The following RPA3 variants were observed in gnomAD, a reference collection of about 807,000 sequenced individuals.
RPA3 encodes replication protein A 14 kDa subunit.
Under a neutral mutation model 13.7 loss-of-function variants are expected in RPA3, and 24 were observed. The ratio of observed to expected loss-of-function variants is 1.75; its 90% CI spans 1.27 to 2.46. RPA3 has a LOEUF of 2.46. Among genes scored for constraint, RPA3 ranks in the 30% most tolerant of loss-of-function variants. The pLI, the probability that RPA3 is intolerant of heterozygous loss-of-function variation, is 0.00. For synonymous variants in RPA3, 59 were observed against 51.2 expected (o/e 1.15, Z -0.65); for missense variants, 183 against 151.0 (o/e 1.21, Z -1.11).
intron 2 of RPA3, among the ~76,000 whole-genome samples, chr7:7,708,976 AGGGAGAAAGTGT>A (rs1780679600): frequency 6.6e-6 from 1 of 151,900 alleles, no homozygotes; most frequent in African/African-American, 2.4e-5. Context: ...AGGGAGAGGA[AGGGAGAAAGTGT>A]GGGAGGAAAA....
Position 7,689,681 on chromosome 7 carries a change from G to A in RPA3, c.-1027-2353C>T. On this transcript the variant is annotated intron_variant, in intron 2 of 7. Transcript: ENST00000223129. The stretch of plus-strand genomic sequence containing the variant: ...AAGCTCTTCAGTCTGTGTCTATATA[G>A]AAGACATTTATATTTATGTCTTTCT... Among the ~76,000 whole-genome samples the A allele has an allele frequency of 1.3e-5, 2 of 152,090 alleles. 1 individual carries two copies. Among genetic ancestry groups the A allele is most frequent in the South Asian group, 4.1e-4 (2 of 4,822 alleles).
intron 1 of RPA3, among the ~76,000 whole-genome samples, chr7:7,717,234 T>C (rs1215677234): frequency 2.0e-5 from 3 of 151,908 alleles, no homozygotes; most frequent in Non-Finnish European, 4.4e-5. Flanking sequence ...TTTTCGTATT[T>C]TTGGTAGAGA....
chr7:7,703,568 C>G (rs1780520904), intron 2 of RPA3, among the ~76,000 whole-genome samples: 1 of 152,152 alleles, frequency 6.6e-6, no homozygotes, highest in Non-Finnish European at 1.5e-5. Context: ...CAGACAAGCT[C>G]AAAATACAGG....
chr7:7,689,911 A>G (rs1041865873), intron 2 of RPA3, among the ~76,000 whole-genome samples: 10 of 152,210 alleles, frequency 6.6e-5, no homozygotes, highest in Non-Finnish European at 8.8e-5. Flanking sequence ...TGATCAGGAA[A>G]CAAGTTAAAC....
chr7:7,676,171 G>A lies in RPA3; in HGVS notation c.-758+9659C>T, dbSNP rs983248271. 2.5e-4 allele frequency: 101 copies of A among 398,622 alleles called. No homozygotes were observed. The East Asian group carries it at 3.6e-3, about 14-fold the overall frequency. The allele number at this position is 398,622 out of a possible 1,614,324, so 24.7% of individuals were successfully genotyped here. A position where few individuals can be genotyped will look rare whatever the true frequency, so the allele number is the denominator to read the frequency against. ...ACCCTGGGTCAGACCCTTTGGGTTG[G>A]CTTCGTGGCTCCACGACTTACTCTC... is the stretch of plus-strand genomic sequence containing the variant. On this transcript the variant is annotated intron_variant, in intron 4 of 7. Coordinates refer to ENST00000223129, the MANE Select transcript of RPA3 (RefSeq NM_002947.5).
intron 2 of RPA3, among the ~76,000 whole-genome samples, chr7:7,705,955 T>TA (rs1337360059): frequency 2.0e-5 from 3 of 152,154 alleles, no homozygotes; most frequent in Non-Finnish European, 2.9e-5. Flanking sequence ...AAAACTGCTC[T>TA]AAAAAATAAC....
intron 2 of RPA3, among the ~76,000 whole-genome samples, chr7:7,714,142 T>G (rs1197300799): frequency 2.0e-5 from 3 of 152,274 alleles, no homozygotes. Flanking sequence ...GTGGTACAAA[T>G]GATAGAAATT....
At chr7:7,682,713 A>T (rs963051667) in intron 4 of RPA3, among the ~76,000 whole-genome samples, 2 of 152,278 alleles carry the variant, frequency 1.3e-5, no homozygotes, top group East Asian at 3.9e-4. Context: ...AAAGTAACTT[A>T]CCCTATCGCT....
At chr7:7,643,438 C>T (rs1159544394) in intron 4 of RPA3, among the ~76,000 whole-genome samples, 1 of 152,178 alleles carries the variant, frequency 6.6e-6, no homozygotes, top group African/African-American at 2.4e-5. Context: ...GGGCCGGGCG[C>T]GGTGGCTCAC....
intron 2 of RPA3, among the ~76,000 whole-genome samples, chr7:7,704,454 G>A (rs971148322): frequency 1.3e-5 from 2 of 151,736 alleles, no homozygotes; most frequent in African/African-American, 4.8e-5. Context: ...AACAACTGCT[G>A]CCATAAAGAA....
At chr7:7,717,413 C>T (rs543737128) in intron 1 of RPA3, among the ~76,000 whole-genome samples, 2 of 152,312 alleles carry the variant, frequency 1.3e-5, no homozygotes, top group East Asian at 3.9e-4. Context: ...TGTGTGTCCT[C>T]GTCCTTCAGT....
chr7:7,665,890 C>T (rs545450487), intron 4 of RPA3, among the ~76,000 whole-genome samples: 3 of 151,272 alleles, frequency 2.0e-5, no homozygotes, highest in East Asian at 3.9e-4. Flanking sequence ...CTTTTACTAC[C>T]GAATGGGATG....
At chr7:7,642,119 A>T (rs554676347) in intron 4 of RPA3, among the ~76,000 whole-genome samples, 3 of 152,172 alleles carry the variant, frequency 2.0e-5, no homozygotes, top group Admixed American at 2.0e-4. Flanking sequence ...AGGGGAGAGT[A>T]CACACATCAA....
intron 4 of RPA3, among the ~76,000 whole-genome samples, chr7:7,645,684 C>A (rs992684770): frequency 6.6e-6 from 1 of 151,926 alleles, no homozygotes; most frequent in African/African-American, 2.4e-5. Flanking sequence ...CATTTTTTGC[C>A]TTAATTGAGA....
rs557871048 is a variant in RPA3, at chr7:7,704,873, G to A, written c.-1028+10302C>T. ...AAAGGGTCATCAATTGAAAAAAAAC[G>A]ATGTGTTTTATTTGGGTAAAGTAAA... On this transcript the variant is annotated intron_variant, in intron 2 of 7. Transcript: ENST00000223129. Among the ~76,000 whole-genome samples the A allele has an allele frequency of 8.8e-5, 13 of 146,960 alleles. 1 individual carries two copies. Among genetic ancestry groups the A allele is most frequent in the Admixed American group, 2.1e-4 (3 of 14,568 alleles).
intron 4 of RPA3, chr7:7,676,226 G>A: frequency 2.5e-6 from 1 of 398,580 alleles, no homozygotes; most frequent in Non-Finnish European, 4.4e-6. Flanking sequence ...ACCCTTCCCA[G>A]TACCACTTAG....
Position 7,673,472 on chromosome 7 carries a change from C to A in RPA3, c.-758+12358G>T, listed in dbSNP as rs762199118. 22 of 752,860 alleles carry A rather than the reference C, an allele frequency of 2.9e-5. No individual in the cohort carries two copies. In the South Asian group the frequency reaches 3.2e-4, roughly 11 times the overall value. 46.6% of individuals were successfully genotyped at this position (752,860 alleles called of 1,614,324 possible). ...CTTTTAGGTGAGTCTTTTTAAGAAA[C>A]AAAATAATTAGATGAATTATGTTCT... On this transcript the variant is annotated intron_variant, in intron 4 of 7. Transcript: ENST00000223129.
intron 4 of RPA3, among the ~76,000 whole-genome samples, chr7:7,663,824 C>G (rs1476710980): frequency 6.6e-6 from 1 of 152,190 alleles, no homozygotes; most frequent in Non-Finnish European, 1.5e-5. Flanking sequence ...ACATGCATGA[C>G]TATCAGTTTT....
At chr7:7,663,378 C>T (rs1785525210) in intron 4 of RPA3, among the ~76,000 whole-genome samples, 1 of 151,854 alleles carries the variant, frequency 6.6e-6, no homozygotes, top group South Asian at 2.1e-4. Flanking sequence ...AATTAGTTTC[C>T]AAGCTGTTCT....
Sources: gnomAD v4.1 joint callset for allele counts (sites outside exome capture counted in the v4.1 genomes callset) on GRCh38, gnomAD v4.1.1 for gene constraint, MANE v1.5 for transcripts, NCBI Gene and HGNC (gene_info 2026-07-23, HGNC 2026-07-21) for gene names.